KIAA0319L: variants seen among roughly 807,000 people sequenced by gnomAD.
KIAA0319L encodes dyslexia-associated protein KIAA0319-like protein.
KIAA0319L carries 55 observed loss-of-function variants against 120.1 expected under a neutral mutation model. The observed-to-expected ratio is 0.46, with a 90% CI of 0.37 to 0.57. The LOEUF (loss-of-function observed/expected upper bound fraction) is 0.57, where lower values mean the gene tolerates loss of function less well. KIAA0319L is among the 20% of genes least tolerant of loss of function. The probability of loss-of-function intolerance (pLI) is 0.00; values close to 1 mark genes in which losing one functional copy is unlikely to be tolerated. For missense variants in KIAA0319L, 1,049 were observed against 1,255.3 expected, an observed-to-expected ratio of 0.84 and a Z score of 2.48; for synonymous variants, 398 against 471.9, an observed-to-expected ratio of 0.84 and a Z score of 2.03.
At chr1:35,494,849 C>T (rs2148364330) in intron 3 of KIAA0319L, among the ~76,000 whole-genome samples, 1 of 152,060 alleles carries the variant, frequency 6.6e-6, no homozygotes, top group Middle Eastern at 3.4e-3. Context: ...GTGTAGAACT[C>T]ATGTCAATAT....
intron 3 of KIAA0319L, among the ~76,000 whole-genome samples, chr1:35,494,133 G>A (rs1644706360): frequency 6.6e-6 from 1 of 152,072 alleles, no homozygotes; most frequent in Non-Finnish European, 1.5e-5. Context: ...CAAGAACAAA[G>A]TTTTAAACAT....
chr1:35,475,733 C>T (rs1014462297), intron 4 of KIAA0319L, among the ~76,000 whole-genome samples: 2 of 152,206 alleles, frequency 1.3e-5, no homozygotes, highest in African/African-American at 4.8e-5. Context: ...CACCATTAGT[C>T]TTTCCAAAAT....
At chr1:35,546,364 G>A (rs1161210096) in intron 2 of KIAA0319L, among the ~76,000 whole-genome samples, 1 of 152,212 alleles carries the variant, frequency 6.6e-6, no homozygotes, top group African/African-American at 2.4e-5. Context: ...CAGTAGAGAT[G>A]TTAAGTAAGG....
chr1:35,508,872 G>A (rs1221126648), intron 2 of KIAA0319L, among the ~76,000 whole-genome samples: 1 of 152,008 alleles, frequency 6.6e-6, no homozygotes. Flanking sequence ...TTTTTTCTAA[G>A]CTGATATATT....
Position 35,437,633 on chromosome 1 carries a change from G to T in KIAA0319L, c.2963-2552C>A, listed in dbSNP as rs1321398493. 6.6e-6 allele frequency among the ~76,000 whole-genome samples: 1 copy of T among 152,160 alleles called. No individual in the cohort carries two copies. The highest frequency in any genetic ancestry group is 1.5e-5 in the Non-Finnish European group (1 of 68,026). On this transcript the variant is annotated intron_variant, in intron 20 of 20. Coordinates refer to ENST00000325722, the MANE Select transcript of KIAA0319L (RefSeq NM_024874.5). This position sits in a 1 kb window ranked among gnomAD's most constrained non-coding sequence, Gnocchi z 4.1. ...GAGCTTCTCTGGTGCTATCAATTCTGATTCTTTGGCCTTTGCAGCAGCAAA... is the reference window on the plus strand; with the variant it reads ...GAGCTTCTCTGGTGCTATCAATTCTTATTCTTTGGCCTTTGCAGCAGCAAA...
chr1:35,522,549 A>T (rs1424789694), intron 2 of KIAA0319L, among the ~76,000 whole-genome samples: 1 of 151,994 alleles, frequency 6.6e-6, no homozygotes, highest in Non-Finnish European at 1.5e-5. Context: ...AAGTGCTGGG[A>T]TTACAGGCGT....
At position 35,552,661 on chromosome 1, in the gene KIAA0319L, G is replaced by T. The variant is rs144951434; in HGVS notation, c.142+1689C>A. Among the ~76,000 whole-genome samples the T allele has an allele frequency of 6.6e-5, 10 of 152,310 alleles. No individual in the cohort carries two copies. In the South Asian group the frequency reaches 1.7e-3, roughly 25 times the overall value. ...AATGTGATTTACACCAGGCATGGTG[G>T]TTGGTGTCTGCAATCCCAGCTATTC... On this transcript the variant is annotated intron_variant, in intron 2 of 20. Coordinates refer to ENST00000325722, the MANE Select transcript of KIAA0319L (RefSeq NM_024874.5).
chr1:35,516,676 T>C (rs1645693692), intron 2 of KIAA0319L, among the ~76,000 whole-genome samples: 1 of 152,184 alleles, frequency 6.6e-6, no homozygotes, highest in African/African-American at 2.4e-5. Context: ...ACGAATCTTA[T>C]TCAACACAGT....
chr1:35,488,247 T>C (rs1377559439), intron 3 of KIAA0319L, among the ~76,000 whole-genome samples: 1 of 152,202 alleles, frequency 6.6e-6, no homozygotes, highest in African/African-American at 2.4e-5. Context: ...TTTCTAATAT[T>C]ATCTGTGGGA....
At chr1:35,529,479 T>C (rs1646279921) in intron 2 of KIAA0319L, among the ~76,000 whole-genome samples, 1 of 152,234 alleles carries the variant, frequency 6.6e-6, no homozygotes, top group Non-Finnish European at 1.5e-5. Flanking sequence ...CTTAATCTTT[T>C]ATTGTAGGAC....
intron 20 of KIAA0319L, chr1:35,439,172 C>T (rs1328293179): frequency 6.6e-6 from 1 of 152,276 alleles, no homozygotes; most frequent in East Asian, 1.9e-4. Context: ...ACCTGTCCAT[C>T]ATGTCACCTT....
intron 2 of KIAA0319L, among the ~76,000 whole-genome samples, chr1:35,551,074 T>C (rs931689689): frequency 6.6e-6 from 1 of 152,156 alleles, no homozygotes; most frequent in Non-Finnish European, 1.5e-5. Flanking sequence ...AAAATATGAA[T>C]TTTTTTAGGG....
intron 2 of KIAA0319L, among the ~76,000 whole-genome samples, chr1:35,545,238 T>C (rs1239256744): frequency 1.3e-5 from 2 of 152,070 alleles, no homozygotes; most frequent in Non-Finnish European, 2.9e-5. Flanking sequence ...AAGAGGAGCA[T>C]GCTGGAACTC....
At chr1:35,524,217 T>C (rs1038468860) in intron 2 of KIAA0319L, among the ~76,000 whole-genome samples, 9 of 152,178 alleles carry the variant, frequency 5.9e-5, no homozygotes, top group African/African-American at 2.2e-4. Flanking sequence ...CAAAAAATTA[T>C]ATTCCCTGGT....
At chr1:35,456,371 G>A (rs1279399390) in intron 9 of KIAA0319L, 130 bp from the exon 10 acceptor site, 1 of 598,558 alleles carries the variant, frequency 1.7e-6, no homozygotes, top group Non-Finnish European at 2.9e-6. Flanking sequence ...CACTTCTATT[G>A]GAGAAGCAGA....
intron 20 of KIAA0319L, among the ~76,000 whole-genome samples, chr1:35,435,970 C>T (rs1183080698): frequency 6.6e-6 from 1 of 152,150 alleles, no homozygotes; most frequent in African/African-American, 2.4e-5. Flanking sequence ...TGTTCTGGGT[C>T]CTGGGAATGC....
At chr1:35,488,776 T>C (rs1015486694) in intron 3 of KIAA0319L, among the ~76,000 whole-genome samples, 6 of 152,076 alleles carry the variant, frequency 3.9e-5, no homozygotes, top group Non-Finnish European at 5.9e-5. Flanking sequence ...ATAATGCAGA[T>C]GGGGCCAATC....
intron 2 of KIAA0319L, among the ~76,000 whole-genome samples, chr1:35,536,777 CT>C (rs2148482030): frequency 6.6e-6 from 1 of 152,186 alleles, no homozygotes; most frequent in South Asian, 2.1e-4. Context: ...GAAAATAGCT[CT>C]CCTACCATAA....
chr1:35,541,911 A>T (rs1379794831), intron 2 of KIAA0319L, among the ~76,000 whole-genome samples: 3 of 152,182 alleles, frequency 2.0e-5, no homozygotes, highest in Non-Finnish European at 4.4e-5. Context: ...GGCATATTAC[A>T]ATCACGGAAA....
Sources: allele counts gnomAD v4.1 joint callset (sites outside exome capture counted in the v4.1 genomes callset), GRCh38; gene constraint gnomAD v4.1.1; non-coding constraint Gnocchi (gnomAD v3.1); transcripts MANE v1.5; gene names NCBI Gene and HGNC (gene_info 2026-07-23, HGNC 2026-07-21).